SOS1: variants seen among roughly 807,000 people sequenced by gnomAD.
SOS1 encodes the protein SOS Ras/Rac guanine nucleotide exchange factor 1, also known as son of sevenless homolog 1.
Under a neutral mutation model 157.6 loss-of-function variants are expected in SOS1, and 25 were observed. The observed-to-expected ratio is 0.16, with a 90% CI of 0.12 to 0.22. The LOEUF (loss-of-function observed/expected upper bound fraction) is 0.22. Among genes scored for constraint, SOS1 ranks in the 10% least tolerant of loss-of-function variants. SOS1 has a pLI of 1.00. For missense variants in SOS1, 1,237 were observed against 1,599.1 expected, an observed-to-expected ratio of 0.77 and a Z score of 3.86; for synonymous variants, 528 against 534.0, an observed-to-expected ratio of 0.99 and a Z score of 0.16.
Position 39,024,146 on chromosome 2 carries a change from C to G in SOS1, c.1075-9G>C, listed in dbSNP as rs775315401. 6.2e-7 allele frequency: 1 copy of G among 1,607,042 alleles called. No individual in the cohort carries two copies. Among genetic ancestry groups the G allele is most frequent in the Non-Finnish European group, 8.5e-7 (1 of 1,174,172 alleles). ...CTTTTTTCTTCTAACTGCTGTAAAG[C>G]CAAAATGACAAATCTGAACCAGTAG... On this transcript the variant is annotated splice_polypyrimidine_tract_variant and intron_variant, in intron 8 of 22. Transcript: ENST00000402219.
At chr2:39,053,300 C>T (rs1028754600) in intron 5 of SOS1, among the ~76,000 whole-genome samples, 15 of 152,150 alleles carry the variant, frequency 9.9e-5, no homozygotes, top group African/African-American at 3.4e-4. Flanking sequence ...TACATTTTAG[C>T]CTTTCAAATG....
At chr2:39,096,885 CAA>C (rs747630845) in intron 1 of SOS1, among the ~76,000 whole-genome samples, 2 of 123,766 alleles carry the variant, frequency 1.6e-5, no homozygotes, top group African/African-American at 3.0e-5. Flanking sequence ...GACTCCATCT[CAA>C]AAAAAAAAAA....
At chr2:39,064,005 T>C (rs1156403832) in intron 2 of SOS1, among the ~76,000 whole-genome samples, 1 of 152,074 alleles carries the variant, frequency 6.6e-6, no homozygotes, top group Admixed American at 6.6e-5. Flanking sequence ...GCTAATTTTT[T>C]GTATTTTTAG....
chr2:39,028,724 A>G lies in SOS1; in HGVS notation c.1075-4587T>C, dbSNP rs187541263. On this transcript the variant is annotated intron_variant, in intron 8 of 22. Transcript: ENST00000402219. Reference sequence around the variant, plus strand: ...AAATTGCAATGCACAAGAATGACAAAGTATACACCCAAGAAATATACATTG... The same window carrying G: ...AAATTGCAATGCACAAGAATGACAAGGTATACACCCAAGAAATATACATTG... Among the ~76,000 whole-genome samples the G allele has an allele frequency of 5.6e-4, 85 of 152,346 alleles. No individual in the cohort carries two copies. The East Asian group carries it at 9.2e-3, about 17-fold the overall frequency.
chr2:39,101,106 C>T (rs957425650), intron 1 of SOS1, among the ~76,000 whole-genome samples: 5 of 152,218 alleles, frequency 3.3e-5, no homozygotes, highest in Non-Finnish European at 7.3e-5. Flanking sequence ...GCATCTGCTT[C>T]TGGTAAGGAC....
chr2:39,053,491 T>G (rs1671094373), intron 5 of SOS1, among the ~76,000 whole-genome samples: 2 of 152,184 alleles, frequency 1.3e-5, no homozygotes, highest in Admixed American at 6.5e-5. Context: ...AACCATGCAG[T>G]GTGTCCATTT....
At chr2:39,104,136 G>C in intron 1 of SOS1, among the ~76,000 whole-genome samples, 1 of 152,022 alleles carries the variant, frequency 6.6e-6, no homozygotes, top group East Asian at 1.9e-4. Context: ...CTAAAAATTA[G>C]CCAGGCATGG....
At position 39,006,649 on chromosome 2, in the gene SOS1, CATTGCTTCAAAT is replaced by C. The variant is rs374606368; in HGVS notation, c.2674-132_2674-121del. The C allele has an allele frequency of 6.3e-5, 45 of 716,888 alleles. 1 individual carries two copies. Among genetic ancestry groups the C allele is most frequent in the South Asian group, 1.6e-4 (10 of 64,488 alleles). The allele number at this position is 716,888 out of a possible 1,614,324, so 44.4% of individuals were successfully genotyped here. ...TATCAATTTGATTTTATGACTGTAA[CATTGCTTCAAAT>C]ATTGCTTCAAATAAATTATCTTCAT... On this transcript the variant is annotated intron_variant, in intron 16 of 22. Transcript: ENST00000402219.
At chr2:39,096,240 T>C (rs989957888) in intron 1 of SOS1, among the ~76,000 whole-genome samples, 4 of 152,150 alleles carry the variant, frequency 2.6e-5, no homozygotes, top group Non-Finnish European at 1.5e-5. Context: ...ACATTACATA[T>C]CCCTTCCTCA....
chr2:39,048,300 T>C (rs1315322075), intron 6 of SOS1, among the ~76,000 whole-genome samples: 1 of 152,230 alleles, frequency 6.6e-6, no homozygotes, highest in Non-Finnish European at 1.5e-5. Context: ...TTTAAATATA[T>C]TACTCAACTG....
rs1441229816 is a variant in SOS1 at position 38,982,204 on chromosome 2, G to GA, written c.*3619dup. 6.6e-6 allele frequency: 1 copy of GA among 152,114 alleles called. No homozygotes were observed. Among genetic ancestry groups the GA allele is most frequent in the African/African-American group, 2.4e-5 (1 of 41,434 alleles). 9.4% of individuals were successfully genotyped at this position (152,114 alleles called of 1,614,324 possible). The stretch of plus-strand genomic sequence containing the variant: ...AAGGGAAATTTGCTCACAGTCGACA[G>GA]AAAATGCACTTTACGGTGTCAAAAA... On this transcript the variant is annotated 3_prime_UTR_variant, in exon 23 of 23. Transcript: ENST00000402219.
At chr2:39,009,761 A>G (rs560592063) in intron 15 of SOS1, among the ~76,000 whole-genome samples, 2 of 152,340 alleles carry the variant, frequency 1.3e-5, no homozygotes, top group African/African-American at 4.8e-5. Flanking sequence ...GAAAGGGAAT[A>G]GAGCTACATA....
intron 17 of SOS1, among the ~76,000 whole-genome samples, chr2:39,003,858 TTTGG>T (rs1473578052): frequency 5.9e-5 from 9 of 152,214 alleles, no homozygotes; most frequent in Admixed American, 5.9e-4. Context: ...CTGCTGACTT[TTTGG>T]ACTGGATACT....
At chr2:39,075,317 T>A (rs1234215393) in intron 1 of SOS1, among the ~76,000 whole-genome samples, 2 of 152,202 alleles carry the variant, frequency 1.3e-5, no homozygotes, top group East Asian at 3.9e-4. Flanking sequence ...GGACAGGAAA[T>A]ACTAGAAGAC....
rs1669876381 is a variant in SOS1, at chr2:39,023,867, T to C, written c.1202+143A>G. 2.0e-5 allele frequency: 13 copies of C among 651,240 alleles called. No individual in the cohort carries two copies. In the South Asian group the frequency reaches 2.4e-4, roughly 12 times the overall value. The allele number at this position is 651,240 out of a possible 1,614,324, so 40.3% of individuals were successfully genotyped here. A position where few individuals can be genotyped will look rare whatever the true frequency, so the allele number is the denominator to read the frequency against. ...TTCAAACAATAACAATTCTCTTGGC[T>C]TTGATGTCACTTCCTCTAAAAGACC... On this transcript the variant is annotated intron_variant, in intron 9 of 22. Coordinates refer to ENST00000402219, the MANE Select transcript of SOS1 (RefSeq NM_005633.4).
At chr2:39,071,857 G>A (rs1048708611) in intron 1 of SOS1, among the ~76,000 whole-genome samples, 5 of 148,800 alleles carry the variant, frequency 3.4e-5, no homozygotes, top group African/African-American at 7.4e-5. Context: ...CGCTCACACT[G>A]TTCCCCATGC....
Position 38,983,583 on chromosome 2 carries a change from G to A in SOS1, c.*2241C>T, listed in dbSNP as rs1668463147. The A allele has an allele frequency of 7.1e-6, 1 of 141,178 alleles. No homozygotes were observed. Among genetic ancestry groups the A allele is most frequent in the African/African-American group, 2.5e-5 (1 of 39,592 alleles). The allele number at this position is 141,178 out of a possible 1,614,324, so 8.7% of individuals were successfully genotyped here. A position where few individuals can be genotyped will look rare whatever the true frequency, so the allele number is the denominator to read the frequency against. On this transcript the variant is annotated 3_prime_UTR_variant, in exon 23 of 23. Transcript: ENST00000402219. ...GTTGAAAAGGGGTTATCACCTTATT[G>A]AAGGCTAACACATTAGCCGAAGACA...
Position 39,012,319 on chromosome 2 carries a change from T to G in SOS1, c.2197A>C (p.Ile733Leu), listed in dbSNP as rs574088829. 6.2e-7 allele frequency: 1 copy of G among 1,608,788 alleles called. No homozygotes were observed. The highest frequency in any genetic ancestry group is 1.3e-5 in the African/African-American group (1 of 74,946). The stretch of plus-strand genomic sequence containing the variant: ...TTTTTCCTTTGGATTATTTTAGTGA[T>G]GGATTCAACCCATTTTTTCATTGCT... ...GKAMKKWVES[I>L]TKIIQRKKIA... is the part of the protein sequence containing the mutation. The change falls in exon 14 of 23, where the codon ATC becomes CTC. Residue 733 changes from isoleucine (I) to leucine (L), a missense_variant. Transcript: ENST00000402219.
chr2:39,006,439 T>C lies in SOS1; in HGVS notation c.2764A>G (p.Ile922Val), dbSNP rs780420674. ...AAGAAAGGCACACATGGTGGATTAATAGACCTGAGTTTTGCCAAATATTTC... is the reference window on the plus strand; with the variant it reads ...AAGAAAGGCACACATGGTGGATTAACAGACCTGAGTTTTGCCAAATATTTC... ...YKKYLAKLRS[I>V]NPPCVPFFGI... The change falls in exon 17 of 23, where the codon ATT becomes GTT. Residue 922 changes from isoleucine (I) to valine (V), a missense_variant. This residue lies in a region of SOS1 where 105 missense variants were observed against 236.0 expected (regional missense o/e 0.44). Transcript: ENST00000402219. The C allele has an allele frequency of 1.3e-6, 2 of 1,563,764 alleles. No homozygotes were observed. Among genetic ancestry groups the C allele is most frequent in the East Asian group, 2.2e-5 (1 of 44,494 alleles).
Sources: allele counts gnomAD v4.1 joint callset (sites outside exome capture counted in the v4.1 genomes callset), GRCh38; gene constraint gnomAD v4.1.1; regional missense constraint gnomAD v4.1.1; transcripts MANE v1.5; gene names NCBI Gene and HGNC (gene_info 2026-07-23, HGNC 2026-07-21).